SLC5A3: variants seen among roughly 807,000 people sequenced by gnomAD.
The protein encoded by SLC5A3 is solute carrier family 5 member 3.
In SLC5A3, 10 loss-of-function variants were observed where a neutral mutation model predicts 43.2. That is an observed-to-expected ratio of 0.23 (90% confidence interval 0.14 to 0.39). The LOEUF (loss-of-function observed/expected upper bound fraction) is 0.39. Ranked by LOEUF, SLC5A3 falls within the 10% of genes least tolerant of loss-of-function variation. The pLI, the probability that SLC5A3 is intolerant of heterozygous loss-of-function variation, is 1.00. For missense variants in SLC5A3, 608 were observed against 893.4 expected, an observed-to-expected ratio of 0.68 and a Z score of 4.07; for synonymous variants, 349 against 322.0, an observed-to-expected ratio of 1.08 and a Z score of -0.90.
Position 34,103,899 on chromosome 21 carries a change from T to C in SLC5A3, c.*6544T>C. The C allele has an allele frequency of 2.0e-6, 2 of 1,000,136 alleles. No homozygotes were observed. The highest frequency in any genetic ancestry group is 2.4e-6 in the Non-Finnish European group (2 of 829,924). 62.0% of individuals were successfully genotyped at this position (1,000,136 alleles called of 1,614,324 possible). A position where few individuals can be genotyped will look rare whatever the true frequency, so the allele number is the denominator to read the frequency against. ...TTACTGCAACTTGAAACTGGAGAAA[T>C]AGGGACAGATGTCTAGGTTTTTGGT... On this transcript the variant is annotated 3_prime_UTR_variant, in exon 2 of 2. Coordinates refer to ENST00000381151, the MANE Select transcript of SLC5A3 (RefSeq NM_006933.7).
chr21:34,092,954 G>A (rs938159437), intron 1 of SLC5A3, among the ~76,000 whole-genome samples: 1 of 152,108 alleles, frequency 6.6e-6, no homozygotes, highest in Non-Finnish European at 1.5e-5. Flanking sequence ...CTGGAGGCAG[G>A]GTTTCATAAC....
At chr21:34,074,435 C>T (rs1204565243) in intron 1 of SLC5A3, among the ~76,000 whole-genome samples, 1 of 152,236 alleles carries the variant, frequency 6.6e-6, no homozygotes, top group Non-Finnish European at 1.5e-5. Flanking sequence ...TCTTGCGCCT[C>T]CAGAAGACAC....
At chr21:34,079,358 C>A (rs899461897) in intron 1 of SLC5A3, among the ~76,000 whole-genome samples, 1 of 152,110 alleles carries the variant, frequency 6.6e-6, no homozygotes, top group South Asian at 2.1e-4. Flanking sequence ...TATATAGACA[C>A]AATTTTCTAG....
chr21:34,077,451 A>G (rs1294961627), intron 1 of SLC5A3, among the ~76,000 whole-genome samples: 2 of 152,216 alleles, frequency 1.3e-5, no homozygotes, highest in Non-Finnish European at 2.9e-5. Flanking sequence ...CTGGGATAAT[A>G]CTTTTCCTGA....
intron 1 of SLC5A3, among the ~76,000 whole-genome samples, chr21:34,075,727 G>T (rs1989314476): frequency 6.6e-6 from 1 of 152,160 alleles, no homozygotes; most frequent in Admixed American, 6.5e-5. Context: ...TCAGTTATTT[G>T]TTCAAAAACC....
chr21:34,078,337 G>A (rs1012798664), intron 1 of SLC5A3, among the ~76,000 whole-genome samples: 3 of 152,160 alleles, frequency 2.0e-5, no homozygotes, highest in Admixed American at 6.5e-5. Flanking sequence ...GCCGCAGCAA[G>A]CTATTGAAGA....
chr21:34,088,628 G>A (rs1370889857), intron 1 of SLC5A3, among the ~76,000 whole-genome samples: 4 of 152,186 alleles, frequency 2.6e-5, no homozygotes, highest in African/African-American at 9.7e-5. Flanking sequence ...TTCACTGAAG[G>A]TAGTATTGCA....
chr21:34,090,022 C>T (rs1038137327), intron 1 of SLC5A3, among the ~76,000 whole-genome samples: 5 of 152,146 alleles, frequency 3.3e-5, no homozygotes, highest in African/African-American at 7.2e-5. Context: ...CTGAACATCC[C>T]AAACCCAAAA....
At position 34,096,522 on chromosome 21, in the gene SLC5A3, C is replaced by T; in HGVS notation, c.1324C>T (p.Gln442Ter). The stretch of plus-strand genomic sequence containing the variant: ...AGGAGGCCAGATGTACCTTTACATT[C>T]AGGAGGTAGCAGATTACCTGACACC... The part of the protein sequence containing the change: ...MQGGQMYLYI[Q>*]EVADYLTPPV... Residue 442 changes from glutamine (Q) to a stop codon, truncating the protein, a stop_gained, in exon 2 of 2, where the codon CAG (glutamine) becomes TAG (stop). Transcript: ENST00000381151. LOFTEE classifies it high-confidence loss of function. The surrounding 1 kb of genome is among the most constrained non-coding windows in gnomAD (Gnocchi z 5.9). 6.2e-7 allele frequency: 1 copy of T among 1,614,158 alleles called. No individual in the cohort carries two copies. Among genetic ancestry groups the T allele is most frequent in the Non-Finnish European group, 8.5e-7 (1 of 1,180,004 alleles).
Position 34,102,015 on chromosome 21 carries a change from AC to A in SLC5A3, c.*4663del. On this transcript the variant is annotated 3_prime_UTR_variant, in exon 2 of 2. Transcript: ENST00000381151. ...TTGGAATTAGTTGGCATATAGAGGA[AC>A]CCTTTTGTACTGGAACGTATGAGGC... The A allele has an allele frequency of 1.0e-6, 1 of 1,000,098 alleles. No individual in the cohort carries two copies. The highest frequency in any genetic ancestry group is 1.2e-6 in the Non-Finnish European group (1 of 829,900). 62.0% of individuals were successfully genotyped at this position (1,000,098 alleles called of 1,614,324 possible).
In SLC5A3 at chr21:34,101,481, G is replaced by A. The variant is rs1276401512; in HGVS notation, c.*4126G>A. On this transcript the variant is annotated 3_prime_UTR_variant, in exon 2 of 2. Transcript: ENST00000381151. Reference sequence around the variant, plus strand: ...TGAAGGCATTTCAGTGTTGATAATAGCCTGAGCAGACTTCTTTACAAATGG... The same window carrying A: ...TGAAGGCATTTCAGTGTTGATAATAACCTGAGCAGACTTCTTTACAAATGG... The A allele has an allele frequency of 9.0e-6, 9 of 999,956 alleles. No individual in the cohort carries two copies. The highest frequency in any genetic ancestry group is 1.1e-5 in the Non-Finnish European group (9 of 829,894). The allele number at this position is 999,956 out of a possible 1,614,324, so 61.9% of individuals were successfully genotyped here.
intron 1 of SLC5A3, among the ~76,000 whole-genome samples, chr21:34,089,580 G>A (rs1329699858): frequency 6.6e-6 from 1 of 152,122 alleles, no homozygotes; most frequent in Non-Finnish European, 1.5e-5. Context: ...AAATCTGGTG[G>A]TTTATGAACT....
At chr21:34,088,671 T>C (rs534364755) in intron 1 of SLC5A3, among the ~76,000 whole-genome samples, 2 of 152,334 alleles carry the variant, frequency 1.3e-5, no homozygotes, top group Admixed American at 6.5e-5. Context: ...TTTAGACATA[T>C]AGATGTGAGG....
chr21:34,089,659 C>T (rs1239816633), intron 1 of SLC5A3, among the ~76,000 whole-genome samples: 1 of 152,032 alleles, frequency 6.6e-6, no homozygotes, highest in African/African-American at 2.4e-5. Context: ...TTAACCCCTC[C>T]CCACTCCTGT....
chr21:34,096,922 G>A lies in SLC5A3; in HGVS notation c.1724G>A (p.Cys575Tyr), dbSNP rs1357784941. Residue 575 changes from cysteine to tyrosine, a missense_variant, in exon 2 of 2, where the codon TGC (cysteine) becomes TAC (tyrosine). Around this residue, in one of 2 missense-constraint regions of SLC5A3, gnomAD observed 210 missense variants for 224.8 expected, o/e 0.93. Transcript: ENST00000381151. The surrounding 1 kb of genome is among the most constrained non-coding windows in gnomAD (Gnocchi z 5.9). ...YKMQEKSILR[C>Y]SENNETINHI... Reference sequence around the variant, plus strand: ...ATGCAAGAAAAGAGCATTCTGAGATGCAGTGAGAATAATGAGACCATCAAC... The same window carrying A: ...ATGCAAGAAAAGAGCATTCTGAGATACAGTGAGAATAATGAGACCATCAAC... 1 of 1,613,996 alleles carries A rather than the reference G, an allele frequency of 6.2e-7. No individual in the cohort carries two copies. Among genetic ancestry groups the A allele is most frequent in the Non-Finnish European group, 8.5e-7 (1 of 1,179,990 alleles).
In SLC5A3 at chr21:34,104,335, A is replaced by T. The variant is rs1005468063; in HGVS notation, c.*6980A>T. On this transcript the variant is annotated 3_prime_UTR_variant, in exon 2 of 2. Coordinates refer to ENST00000381151, the MANE Select transcript of SLC5A3 (RefSeq NM_006933.7). ...TTAATGTGTGTGTAGAAGAAAACGT[A>T]TGTTCTTCTACTCAGCATTGCCCTT... 3 of 998,874 alleles carry T rather than the reference A, an allele frequency of 3.0e-6. No homozygotes were observed. In the African/African-American group the frequency reaches 5.2e-5, roughly 17 times the overall value. 61.9% of individuals were successfully genotyped at this position (998,874 alleles called of 1,614,324 possible).
Position 34,097,562 on chromosome 21 carries a change from C to A in SLC5A3, c.*207C>A. 7.4e-7 allele frequency: 1 copy of A among 1,346,522 alleles called. No homozygotes were observed. The highest frequency in any genetic ancestry group is 9.6e-7 in the Non-Finnish European group (1 of 1,044,424). The allele number at this position is 1,346,522 out of a possible 1,614,324, so 83.4% of individuals were successfully genotyped here. On this transcript the variant is annotated 3_prime_UTR_variant, in exon 2 of 2. Transcript: ENST00000381151. ...TCAACTTAAGTGAAGCCAAACCTAACAGACTGAATTGTGCAAATGTGGTTT... is the reference window on the plus strand; with the variant it reads ...TCAACTTAAGTGAAGCCAAACCTAAAAGACTGAATTGTGCAAATGTGGTTT...
chr21:34,073,938 C>T (rs1160938084), intron 1 of SLC5A3, among the ~76,000 whole-genome samples, 193 bp downstream of exon 1: 2 of 145,400 alleles, frequency 1.4e-5, no homozygotes, highest in African/African-American at 4.9e-5. Flanking sequence ...CGGCCGCGTG[C>T]GCGCGGGAGG....
rs1233658634 is a variant in SLC5A3 at position 34,103,091 on chromosome 21, T to C, written c.*5736T>C. ...TTAGTAACTCATCTTTTTGTTGTTA[T>C]AATTGGAAACAGAAACGAGGCTTAT... On this transcript the variant is annotated 3_prime_UTR_variant, in exon 2 of 2. Transcript: ENST00000381151. The C allele has an allele frequency of 1.2e-5, 12 of 1,000,110 alleles. No homozygotes were observed. Among genetic ancestry groups the C allele is most frequent in the African/African-American group, 1.7e-5 (1 of 57,354 alleles). 62.0% of individuals were successfully genotyped at this position (1,000,110 alleles called of 1,614,324 possible).
Sources: gnomAD v4.1 joint callset for allele counts (sites outside exome capture counted in the v4.1 genomes callset) on GRCh38, gnomAD v4.1.1 for gene constraint, gnomAD v4.1.1 regional missense constraint, Gnocchi (gnomAD v3.1) non-coding constraint, MANE v1.5 for transcripts, NCBI Gene and HGNC (gene_info 2026-07-23, HGNC 2026-07-21) for gene names.